CBR4: variants seen among roughly 807,000 people sequenced by gnomAD.
The protein encoded by CBR4 is 3-oxoacyl-[acyl-carrier-protein] reductase.
A neutral mutation model predicts 21.0 loss-of-function variants in CBR4; 22 were observed. That is an observed-to-expected ratio of 1.05 (90% CI 0.75 to 1.50). The LOEUF is 1.50. Among genes scored for constraint, CBR4 ranks in the 40% most tolerant of loss-of-function variants. The pLI is 0.00. For synonymous variants in CBR4, 100 were observed against 104.4 expected, an observed-to-expected ratio of 0.96 and a Z score of 0.26; for missense variants, 302 against 286.3, an observed-to-expected ratio of 1.05 and a Z score of -0.40.
chr4:168,896,738 T>TTA, intron 2 of CBR4: 1 of 604,942 alleles, frequency 1.7e-6, no homozygotes, highest in South Asian at 2.1e-5. Flanking sequence ...TTTCATTTAA[T>TTA]ATCAGATACA....
At position 168,989,444 on chromosome 4, in the gene CBR4, T is replaced by C. The variant is rs1390140812; in HGVS notation, c.*706A>G. ...TGTCTAGCTGCTCAATCAAGAGAAATACCACTCAAAGAAATCAATTCTAAA... is the reference window on the plus strand; with the variant it reads ...TGTCTAGCTGCTCAATCAAGAGAAACACCACTCAAAGAAATCAATTCTAAA... On this transcript the variant is annotated 3_prime_UTR_variant, in exon 5 of 5. Transcript: ENST00000306193. The C allele has an allele frequency of 3.0e-6, 3 of 985,282 alleles. No homozygotes were observed. The highest frequency in any genetic ancestry group is 3.6e-6 in the Non-Finnish European group (3 of 829,902). 61.0% of individuals were successfully genotyped at this position (985,282 alleles called of 1,614,324 possible).
chr4:168,991,473 T>C (rs1764920254), intron 4 of CBR4, among the ~76,000 whole-genome samples: 1 of 152,268 alleles, frequency 6.6e-6, no homozygotes, highest in Non-Finnish European at 1.5e-5. Flanking sequence ...TTCCCATATC[T>C]GGATTTTAAA....
In CBR4 at chr4:168,988,288, A is replaced by G; in HGVS notation, c.*1862T>C. On this transcript the variant is annotated 3_prime_UTR_variant, in exon 5 of 5. Coordinates refer to ENST00000306193, the MANE Select transcript of CBR4 (RefSeq NM_032783.5). ...GATAGGCTGGGGGAGGAGGTGGAAT[A>G]GCTTAAAAGGTTATATTTCTTATTT... 1.0e-6 allele frequency: 1 copy of G among 985,200 alleles called. No homozygotes were observed. The highest frequency in any genetic ancestry group is 4.7e-5 in the South Asian group (1 of 21,282). The allele number at this position is 985,200 out of a possible 1,614,324, so 61.0% of individuals were successfully genotyped here.
chr4:168,947,992 C>T (rs1264362319), intron 2 of CBR4, among the ~76,000 whole-genome samples: 1 of 152,142 alleles, frequency 6.6e-6, no homozygotes, highest in African/African-American at 2.4e-5. Flanking sequence ...ACATTCCCAC[C>T]AGCAGTGTAG....
At chr4:169,008,838 C>T (rs1731137355) in intron 1 of CBR4, 2 of 389,374 alleles carry the variant, frequency 5.1e-6, no homozygotes, top group South Asian at 1.9e-5. Flanking sequence ...CTCTCCCTGA[C>T]CTATAACTTA....
rs569054006 is a variant in CBR4, at chr4:168,926,213, C to A, written n.170-31448G>T. 4 of 1,527,184 alleles carry A rather than the reference C, an allele frequency of 2.6e-6. No homozygotes were observed. The highest frequency in any genetic ancestry group is 2.4e-5 in the South Asian group (2 of 82,458). 94.6% of individuals were successfully genotyped at this position (1,527,184 alleles called of 1,614,324 possible). A position where few individuals can be genotyped will look rare whatever the true frequency, so the allele number is the denominator to read the frequency against. ...CTTAATTTACTCTTTTTCTTTGTAG[C>A]CCAGTGGCATCAGCAGTCACAGAGC... is the stretch of plus-strand genomic sequence containing the variant. On this transcript the variant is annotated intron_variant and non_coding_transcript_variant, in intron 2 of 3. Coordinates refer to the CBR4 transcript ENST00000509108.
chr4:168,971,373 A>G (rs1290092995), intron 2 of CBR4, among the ~76,000 whole-genome samples: 1 of 151,172 alleles, frequency 6.6e-6, no homozygotes, highest in African/African-American at 2.4e-5. Context: ...GGTTCAAGCA[A>G]TCCTCCCAAC....
At chr4:168,938,253 C>T (rs1456965231) in intron 2 of CBR4, among the ~76,000 whole-genome samples, 1 of 152,166 alleles carries the variant, frequency 6.6e-6, no homozygotes, top group Non-Finnish European at 1.5e-5. Flanking sequence ...TAAATAAGTT[C>T]TTTGAAACTA....
intron 2 of CBR4, among the ~76,000 whole-genome samples, chr4:168,971,918 T>G (rs1166485732): frequency 6.6e-6 from 1 of 152,216 alleles, no homozygotes; most frequent in Non-Finnish European, 1.5e-5. Context: ...TTTATGGTTT[T>G]GGGTCTTAGA....
intron 2 of CBR4, among the ~76,000 whole-genome samples, chr4:168,951,231 A>G (rs1340606684): frequency 1.4e-4 from 21 of 151,774 alleles, no homozygotes; most frequent in Non-Finnish European, 1.5e-5. Context: ...GCTAATTTTT[A>G]TATTTTTAGT....
chr4:168,931,858 C>T (rs529806898), intron 2 of CBR4, among the ~76,000 whole-genome samples: 1 of 152,240 alleles, frequency 6.6e-6, no homozygotes, highest in South Asian at 2.1e-4. Flanking sequence ...AGAATCTGCA[C>T]AGACACTACA....
chr4:168,976,251 T>C (rs1170886920), intron 2 of CBR4, among the ~76,000 whole-genome samples: 3 of 152,192 alleles, frequency 2.0e-5, no homozygotes, highest in Non-Finnish European at 2.9e-5. Context: ...CTCTGTGAGG[T>C]AACGCCAGGA....
chr4:168,916,733 T>G (rs1760198121), intron 2 of CBR4, among the ~76,000 whole-genome samples: 1 of 146,370 alleles, frequency 6.8e-6, no homozygotes, highest in Non-Finnish European at 1.5e-5. Flanking sequence ...CAGGCTGGAG[T>G]GCAGTGGTGC....
chr4:168,901,784 G>C (rs1756580402), intron 2 of CBR4, among the ~76,000 whole-genome samples: 1 of 152,138 alleles, frequency 6.6e-6, no homozygotes, highest in South Asian at 2.1e-4. Flanking sequence ...CTTGAACCCG[G>C]GAGGCAGAAA....
intron 1 of CBR4, among the ~76,000 whole-genome samples, chr4:169,009,478 T>C (rs879262429): frequency 3.3e-5 from 5 of 152,248 alleles, no homozygotes; most frequent in Admixed American, 1.3e-4. Flanking sequence ...GGCACGGCCC[T>C]TGGGCAAAAC....
chr4:168,897,124 C>G (rs1755383081), intron 2 of CBR4, among the ~76,000 whole-genome samples: 1 of 152,302 alleles, frequency 6.6e-6, no homozygotes, highest in South Asian at 2.1e-4. Context: ...GCCACAGTGC[C>G]TGGCCTCTGA....
chr4:168,919,269 A>G (rs1401568772), intron 2 of CBR4, among the ~76,000 whole-genome samples: 1 of 152,210 alleles, frequency 6.6e-6, no homozygotes, highest in Non-Finnish European at 1.5e-5. Flanking sequence ...CACGCCTGTA[A>G]TCCTAAAACT....
At position 169,004,374 on chromosome 4, in the gene CBR4, T is replaced by C. The variant is rs187408632; in HGVS notation, c.401-2169A>G. Among the ~76,000 whole-genome samples, 5 of 152,380 alleles carry C rather than the reference T, an allele frequency of 3.3e-5. No homozygotes were observed. The East Asian group carries it at 9.6e-4, about 29-fold the overall frequency. On this transcript the variant is annotated intron_variant, in intron 3 of 4. Transcript: ENST00000306193. ...ATTGGATAAGACAAAATTTGCCACA[T>C]TGATTGACTCTTCATTTCATGAAAG...
In CBR4 at chr4:168,988,265, T is replaced by C. The variant is rs1224292110; in HGVS notation, c.*1885A>G. 6.1e-6 allele frequency: 6 copies of C among 985,396 alleles called. No homozygotes were observed. Among genetic ancestry groups the C allele is most frequent in the African/African-American group, 1.7e-5 (1 of 57,360 alleles). The allele number at this position is 985,396 out of a possible 1,614,324, so 61.0% of individuals were successfully genotyped here. On this transcript the variant is annotated 3_prime_UTR_variant, in exon 5 of 5. Transcript: ENST00000306193. Reference sequence around the variant, plus strand: ...CTCCATATATTCCACCAGTTTGAGATAGGCTGGGGGAGGAGGTGGAATAGC... The same window carrying C: ...CTCCATATATTCCACCAGTTTGAGACAGGCTGGGGGAGGAGGTGGAATAGC...
Sources: allele counts gnomAD v4.1 joint callset (sites outside exome capture counted in the v4.1 genomes callset), GRCh38; gene constraint gnomAD v4.1.1; transcripts MANE v1.5; gene names NCBI Gene and HGNC (gene_info 2026-07-23, HGNC 2026-07-21).